The following ELAVL2 variants were observed in gnomAD, a reference collection of about 807,000 sequenced individuals.
ELAVL2 encodes the protein ELAV like RNA binding protein 2.
Under a neutral mutation model 34.6 loss-of-function variants are expected in ELAVL2, and 4 were observed. That is an observed-to-expected ratio of 0.12 (90% confidence interval 0.06 to 0.26). The LOEUF is 0.26. Ranked by LOEUF, ELAVL2 falls within the 10% of genes least tolerant of loss-of-function variation. The probability of loss-of-function intolerance (pLI) is 1.00; values close to 1 mark genes in which losing one functional copy is unlikely to be tolerated. For missense variants in ELAVL2, 432 were observed against 442.8 expected (o/e 0.98, Z 0.22); for synonymous variants, 193 against 154.8 (o/e 1.25, Z -1.83).
chr9:23,801,604 A>G (rs1366730393), intron 1 of ELAVL2, among the ~76,000 whole-genome samples: 1 of 152,208 alleles, frequency 6.6e-6, no homozygotes, highest in Non-Finnish European at 1.5e-5. Context: ...ATCATTAAGA[A>G]TGCTAGATGT....
rs143506681 is a variant in ELAVL2, at chr9:23,790,102, A to C, written c.-15-27853T>G. ...AAAACAACCTTTCAACAAATGACAAATTTTCTCCTAAATCATTCTTTGGTT... is the reference window on the plus strand; with the variant it reads ...AAAACAACCTTTCAACAAATGACAACTTTTCTCCTAAATCATTCTTTGGTT... On this transcript the variant is annotated intron_variant, in intron 1 of 6. Transcript: ENST00000397312. 2.4e-4 allele frequency among the ~76,000 whole-genome samples: 37 copies of C among 152,212 alleles called. 1 individual carries two copies. Among genetic ancestry groups the C allele is most frequent in the African/African-American group, 8.9e-4 (37 of 41,546 alleles).
At chr9:23,765,898 T>C (rs2056145763) in intron 1 of ELAVL2, among the ~76,000 whole-genome samples, 1 of 152,148 alleles carries the variant, frequency 6.6e-6, no homozygotes. Context: ...GCCTCCAATA[T>C]AGTTAATGGG....
At position 23,691,514 on chromosome 9, in the gene ELAVL2, G is replaced by T. The variant is rs1336791056; in HGVS notation, c.*1043C>A. 6.6e-6 allele frequency: 1 copy of T among 152,368 alleles called. No individual in the cohort carries two copies. Among genetic ancestry groups the T allele is most frequent in the Non-Finnish European group, 1.5e-5 (1 of 67,952 alleles). The allele number at this position is 152,368 out of a possible 1,614,324, so 9.4% of individuals were successfully genotyped here. ...TGAAGGGATTTCTTTAGGAAGAACA[G>T]ATTTTTTCCCCCATCTCTCGGTAAT... On this transcript the variant is annotated 3_prime_UTR_variant, in exon 7 of 7. Coordinates refer to ENST00000397312, the MANE Select transcript of ELAVL2 (RefSeq NM_004432.5).
intron 3 of ELAVL2, among the ~76,000 whole-genome samples, chr9:23,707,368 A>G (rs1392409868): frequency 6.6e-6 from 1 of 152,178 alleles, no homozygotes; most frequent in Non-Finnish European, 1.5e-5. Flanking sequence ...GTGCATCCCT[A>G]TCTAGGATTC....
intron 1 of ELAVL2, among the ~76,000 whole-genome samples, chr9:23,781,517 C>CT (rs2059059624): frequency 1.4e-5 from 2 of 143,340 alleles, no homozygotes; most frequent in African/African-American, 5.2e-5. Flanking sequence ...TTTTTTCTTT[C>CT]CTTTTTTTTT....
At chr9:23,734,990 T>C (rs764360721) in intron 2 of ELAVL2, among the ~76,000 whole-genome samples, 29 of 151,088 alleles carry the variant, frequency 1.9e-4, no homozygotes, top group Non-Finnish European at 3.8e-4. Flanking sequence ...CAAACTAAGA[T>C]TCATTTCTTT....
the ELAVL2 span, among the ~76,000 whole-genome samples, chr9:23,844,495 A>G: frequency 1.3e-5 from 2 of 152,040 alleles, no homozygotes; most frequent in African/African-American, 4.8e-5. Context: ...TAGAAATTCA[A>G]AAGTCTAGAT....
At chr9:23,718,059 G>A (rs938027350) in intron 3 of ELAVL2, among the ~76,000 whole-genome samples, 1 of 152,106 alleles carries the variant, frequency 6.6e-6, no homozygotes. Flanking sequence ...TACAAACTTG[G>A]AGACAGGCCT....
rs2057441644 is a variant in ELAVL2 at position 23,772,341 on chromosome 9, CTAATCT to C, written c.-15-10098_-15-10093del. Among the ~76,000 whole-genome samples, 3 of 151,996 alleles carry C rather than the reference CTAATCT, an allele frequency of 2.0e-5. No individual in the cohort carries two copies. The East Asian group carries it at 5.8e-4, about 29-fold the overall frequency. The stretch of plus-strand genomic sequence containing the variant: ...ACAAACTCCAAAGCAGAAAGAATGA[CTAATCT>C]TAAAGGGAAAATAAAAGACAAGGAA... On this transcript the variant is annotated intron_variant, in intron 1 of 6. Coordinates refer to ENST00000397312, the MANE Select transcript of ELAVL2 (RefSeq NM_004432.5).
intron 2 of ELAVL2, among the ~76,000 whole-genome samples, chr9:23,734,032 G>T (rs1374583825): frequency 6.6e-6 from 1 of 152,124 alleles, no homozygotes; most frequent in East Asian, 1.9e-4. Context: ...TAGGATGAGT[G>T]CCACTCAGAA....
chr9:23,754,699 G>A (rs1455185814), intron 2 of ELAVL2, among the ~76,000 whole-genome samples: 1 of 152,096 alleles, frequency 6.6e-6, no homozygotes, highest in Admixed American at 6.6e-5. Flanking sequence ...CTGACCTCCG[G>A]TGATTCGCCT....
rs933557309 is a variant in ELAVL2 at position 23,765,153 on chromosome 9, A to G, written c.-15-2904T>C. On this transcript the variant is annotated intron_variant, in intron 1 of 6. Transcript: ENST00000397312. Reference sequence around the variant, plus strand: ...TGTTAGATGAGCAAGATAATGCAACAAATCAGTTTGTACAAAATTTACAGT... The same window carrying G: ...TGTTAGATGAGCAAGATAATGCAACGAATCAGTTTGTACAAAATTTACAGT... The G allele has an allele frequency of 1.1e-5, 17 of 1,504,516 alleles. No individual in the cohort carries two copies. The African/African-American group carries it at 2.0e-4, about 18-fold the overall frequency. 93.2% of individuals were successfully genotyped at this position (1,504,516 alleles called of 1,614,324 possible).
intron 3 of ELAVL2, among the ~76,000 whole-genome samples, chr9:23,721,097 T>G (rs1274718612): frequency 6.6e-6 from 1 of 152,214 alleles, no homozygotes; most frequent in African/African-American, 2.4e-5. Flanking sequence ...CATCCACTGA[T>G]CGTTAGTTTC....
intron 1 of ELAVL2, among the ~76,000 whole-genome samples, chr9:23,817,324 G>A (rs929721028): frequency 6.6e-6 from 1 of 151,752 alleles, no homozygotes; most frequent in African/African-American, 2.4e-5. Context: ...TGACTTTCTG[G>A]GTTATTTTAC....
chr9:23,752,301 C>G (rs1643934584), intron 2 of ELAVL2, among the ~76,000 whole-genome samples: 1 of 152,048 alleles, frequency 6.6e-6, no homozygotes, highest in South Asian at 2.1e-4. Flanking sequence ...TAACAATGTT[C>G]TAAGCTAAAA....
intron 3 of ELAVL2, among the ~76,000 whole-genome samples, chr9:23,707,874 C>G (rs1456187036): frequency 6.6e-6 from 1 of 152,148 alleles, no homozygotes; most frequent in Admixed American, 6.5e-5. Context: ...AACCTGGGTC[C>G]ATTACAGTGT....
chr9:23,756,816 A>G (rs2053664636), intron 2 of ELAVL2, among the ~76,000 whole-genome samples: 1 of 152,182 alleles, frequency 6.6e-6, no homozygotes, highest in Non-Finnish European at 1.5e-5. Context: ...CAATCTCCCT[A>G]CAAAATGTTT....
rs1587158107 is a variant in ELAVL2 at position 23,694,154 on chromosome 9, A to G, written c.714-668T>C. On this transcript the variant is annotated intron_variant, in intron 5 of 6. Coordinates refer to ENST00000397312, the MANE Select transcript of ELAVL2 (RefSeq NM_004432.5). ...CACTCCAGTGTGCAACAAAGCCAAG[A>G]GTTCAGATCCTGATCTGGATGCTGT... 2.0e-5 allele frequency among the ~76,000 whole-genome samples: 3 copies of G among 152,168 alleles called. No homozygotes were observed. In the South Asian group the frequency reaches 6.2e-4, roughly 31 times the overall value.
chr9:23,770,005 C>T (rs1256753322), intron 1 of ELAVL2, among the ~76,000 whole-genome samples: 6 of 152,036 alleles, frequency 3.9e-5, no homozygotes, highest in Non-Finnish European at 5.9e-5. Context: ...AAAGATCTGG[C>T]GAAAAAGATC....
Sources: gnomAD v4.1 joint callset for allele counts (sites outside exome capture counted in the v4.1 genomes callset) on GRCh38, gnomAD v4.1.1 for gene constraint, MANE v1.5 for transcripts, NCBI Gene and HGNC (gene_info 2026-07-23, HGNC 2026-07-21) for gene names.